Variants in SLC10A5 observed in about 807,000 individuals in gnomAD.
SLC10A5 encodes the protein sodium/bile acid cotransporter 5.
For missense variants in SLC10A5, 475 were observed against 500.7 expected (o/e 0.95, Z 0.49); for synonymous variants, 181 against 183.7 (o/e 0.99, Z 0.12).
chr8:81,694,980 G>C lies in SLC10A5; in HGVS notation c.-8C>G. 1 of 1,532,836 alleles carries C rather than the reference G, an allele frequency of 6.5e-7. No homozygotes were observed. The highest frequency in any genetic ancestry group is 8.7e-7 in the Non-Finnish European group (1 of 1,146,600). 95.0% of individuals were successfully genotyped at this position (1,532,836 alleles called of 1,614,324 possible). ...AAAAAGTTTTCTAATCATTTTGAAAGCTGAAATAAATCATATATGCAAAAT... is the reference window on the plus strand; with the variant it reads ...AAAAAGTTTTCTAATCATTTTGAAACCTGAAATAAATCATATATGCAAAAT... On this transcript the variant is annotated 5_prime_UTR_variant, in exon 1 of 1. Transcript: ENST00000518568.
At position 81,695,051 on chromosome 8, in the gene SLC10A5, G is replaced by A; in HGVS notation, c.-79C>T. 1 of 1,124,884 alleles carries A rather than the reference G, an allele frequency of 8.9e-7. No individual in the cohort carries two copies. Among genetic ancestry groups the A allele is most frequent in the South Asian group, 1.7e-5 (1 of 60,372 alleles). The allele number at this position is 1,124,884 out of a possible 1,614,324, so 69.7% of individuals were successfully genotyped here. On this transcript the variant is annotated 5_prime_UTR_variant, in exon 1 of 1. Transcript: ENST00000518568. ...ACATTCTTCATGCAGGTGTTCCAGT[G>A]ACAGTCTGAGGGTGAGTTAGATAAC...
In SLC10A5 at chr8:81,693,763, C is replaced by A. The variant is rs142341644; in HGVS notation, c.1210G>T (p.Ala404Ser). The change falls in exon 1 of 1, where the codon GCC becomes TCC. Residue 404 changes from alanine (A) to serine (S), a missense_variant. Ala to Ser is a moderately conservative substitution (Grantham distance 99, BLOSUM62 1). Transcript: ENST00000518568. Reference sequence around the variant, plus strand: ...AACATTTCACATCCAGAACACATGGCTACTGTAAAAGGAGCCACAGAAGCT... The same window carrying A: ...AACATTTCACATCCAGAACACATGGATACTGTAAAAGGAGCCACAGAAGCT... ...NLASVAPFTVAMCSGCEMLLI... is the reference protein window; with the variant it reads ...NLASVAPFTVSMCSGCEMLLI... The A allele has an allele frequency of 9.8e-5, 158 of 1,613,934 alleles. No individual in the cohort carries two copies. Among genetic ancestry groups the A allele is most frequent in the Non-Finnish European group, 1.3e-4 (149 of 1,180,008 alleles).
Position 81,694,580 on chromosome 8 carries a change from A to G in SLC10A5, c.393T>C (p.Ser131=). Residue 131 remains serine (S), a synonymous_variant, in exon 1 of 1, where the codon AGT becomes AGC. Coordinates refer to ENST00000518568, the MANE Select transcript of SLC10A5 (RefSeq NM_001010893.3). ...CAATATGCATTGGTGCCTGGAGTAGACTGTCTTTTTGTTTGAGCACTTTGA... is the reference window on the plus strand; with the variant it reads ...CAATATGCATTGGTGCCTGGAGTAGGCTGTCTTTTTGTTTGAGCACTTTGA... ...VKVKVLKQKD[S]LLQAPMHIDR... 1.9e-6 allele frequency: 3 copies of G among 1,614,150 alleles called. No individual in the cohort carries two copies. The highest frequency in any genetic ancestry group is 3.3e-4 in the Middle Eastern group (2 of 6,058).
In SLC10A5 at chr8:81,693,885, G is replaced by A. The variant is rs1404900240; in HGVS notation, c.1088C>T (p.Pro363Leu). The A allele has an allele frequency of 6.8e-6, 11 of 1,613,826 alleles. No homozygotes were observed. The highest frequency in any genetic ancestry group is 4.0e-5 in the African/African-American group (3 of 74,912). Reference sequence around the variant, plus strand: ...TTCAATAGCAACAGTTTTACAAACAGGAAGAGGCAGCGTACAAACTTTAGC... The same window carrying A: ...TTCAATAGCAACAGTTTTACAAACAAGAAGAGGCAGCGTACAAACTTTAGC... ...SFAKVCTLPLPVCKTVAIESG... is the reference protein window; with the variant it reads ...SFAKVCTLPLLVCKTVAIESG... Residue 363 changes from proline to leucine, a missense_variant, in exon 1 of 1, where the codon CCT (proline) becomes CTT (leucine). Pro to Leu is a moderately conservative substitution (Grantham distance 98). Transcript: ENST00000518568.
rs1205772954 is a variant in SLC10A5, at chr8:81,694,521, A to G, written c.452T>C (p.Ile151Thr). ...ACCAAATGCACACTTATTCAATAGT[A>G]TTAGTGGTAAAATAAGCATTAGGAT... ...RNILMLILPLILLNKCAFGCK... is the reference protein window; with the variant it reads ...RNILMLILPLTLLNKCAFGCK... Residue 151 changes from isoleucine (I) to threonine (T), a missense_variant, in exon 1 of 1, where the codon ATA becomes ACA. Transcript: ENST00000518568. The G allele has an allele frequency of 6.8e-6, 11 of 1,614,116 alleles. No individual in the cohort carries two copies. Among genetic ancestry groups the G allele is most frequent in the Admixed American group, 1.7e-5 (1 of 60,014 alleles).
In SLC10A5 at chr8:81,693,920, C is replaced by T. The variant is rs1807685100; in HGVS notation, c.1053G>A (p.Gly351=). 2.5e-6 allele frequency: 4 copies of T among 1,613,954 alleles called. No homozygotes were observed. In the South Asian group the frequency reaches 4.4e-5, roughly 18 times the overall value. The change falls in exon 1 of 1, where the codon GGG becomes GGA. Residue 351 remains glycine, a synonymous_variant. Transcript: ENST00000518568. ...LLVPALGLLF[G]YSFAKVCTLP... is the part of the protein sequence containing the mutation. ...GCGTACAAACTTTAGCAAAGGAGTA[C>T]CCAAACAGCAAACCCAAAGCAGGAA... is the stretch of plus-strand genomic sequence containing the variant.
Position 81,693,900 on chromosome 8 carries a change from C to T in SLC10A5, c.1073G>A (p.Cys358Tyr), listed in dbSNP as rs148791403. 53 of 1,613,898 alleles carry T rather than the reference C, an allele frequency of 3.3e-5. No homozygotes were observed. The highest frequency in any genetic ancestry group is 4.0e-5 in the Non-Finnish European group (47 of 1,180,004). ...LLFGYSFAKV[C>Y]TLPLPVCKTV... ...TTTACAAACAGGAAGAGGCAGCGTA[C>T]AAACTTTAGCAAAGGAGTACCCAAA... The change falls in exon 1 of 1, where the codon TGT becomes TAT. Residue 358 changes from cysteine to tyrosine, a missense_variant. Transcript: ENST00000518568.
Position 81,694,837 on chromosome 8 carries a change from C to G in SLC10A5, c.136G>C (p.Val46Leu). 1 of 1,613,998 alleles carries G rather than the reference C, an allele frequency of 6.2e-7. No homozygotes were observed. Among genetic ancestry groups the G allele is most frequent in the Non-Finnish European group, 8.5e-7 (1 of 1,179,996 alleles). ...FFTKTEETIL[V>L]SSSYENKRPN... ...CGTTTATTTTCGTAGCTTGAACTTA[C>G]AAGGATGGTTTCTTCAGTCTTTGTG... The change falls in exon 1 of 1, where the codon GTA (valine) becomes CTA (leucine). Residue 46 changes from valine (V) to leucine (L), a missense_variant. Val to Leu is a conservative substitution (Grantham distance 32, BLOSUM62 1). Transcript: ENST00000518568.
Position 81,693,854 on chromosome 8 carries a change from C to T in SLC10A5, c.1119G>A (p.Gly373=). ...PVCKTVAIES[G]MLNSFLALAV... is the part of the protein sequence containing the mutation. ...CAAGAGCTAAGAAACTATTTAACAT[C>T]CCACTTTCAATAGCAACAGTTTTAC... is the stretch of plus-strand genomic sequence containing the variant. The change falls in exon 1 of 1, where the codon GGG becomes GGA. Residue 373 remains glycine (G), a synonymous_variant. Coordinates refer to ENST00000518568, the MANE Select transcript of SLC10A5 (RefSeq NM_001010893.3). 1.9e-6 allele frequency: 3 copies of T among 1,613,734 alleles called. No homozygotes were observed. The highest frequency in any genetic ancestry group is 1.6e-4 in the Middle Eastern group (1 of 6,062).
In SLC10A5 at chr8:81,695,018, A is replaced by G; in HGVS notation, c.-46T>C. 1 of 1,399,404 alleles carries G rather than the reference A, an allele frequency of 7.1e-7. No individual in the cohort carries two copies. The allele number at this position is 1,399,404 out of a possible 1,614,324, so 86.7% of individuals were successfully genotyped here. A position where few individuals can be genotyped will look rare whatever the true frequency, so the allele number is the denominator to read the frequency against. On this transcript the variant is annotated 5_prime_UTR_variant, in exon 1 of 1. Coordinates refer to ENST00000518568, the MANE Select transcript of SLC10A5 (RefSeq NM_001010893.3). ...ATATATGCAAAATCGTTTTTAAAAA[A>G]TGAAAGAACATTCTTCATGCAGGTG...
chr8:81,694,663 G>A lies in SLC10A5; in HGVS notation c.310C>T (p.Leu104Phe), dbSNP rs150315173. 328 of 1,613,946 alleles carry A rather than the reference G, an allele frequency of 2.0e-4. 1 individual carries two copies. The East Asian group carries it at 7.0e-3, about 34-fold the overall frequency. Residue 104 changes from leucine to phenylalanine, a missense_variant, in exon 1 of 1, where the codon CTC becomes TTC. By Grantham distance (22) the Leu-to-Phe change is conservative. Coordinates refer to ENST00000518568, the MANE Select transcript of SLC10A5 (RefSeq NM_001010893.3). ...TCTTGCCTACCTTCAGAATCCCAGA[G>A]TTGAATAGTCACATTTGTTTCTCCT... ...EEGETNVTIQ[L>F]WDSEGRQERL...
At position 81,694,414 on chromosome 8, in the gene SLC10A5, G is replaced by GA. The variant is rs752430949; in HGVS notation, c.558dup (p.Leu187SerfsTer17). 16 of 1,613,838 alleles carry GA rather than the reference G, an allele frequency of 9.9e-6. No individual in the cohort carries two copies. Among genetic ancestry groups the GA allele is most frequent in the Middle Eastern group, 1.6e-4 (1 of 6,084 alleles). On this transcript the variant is annotated frameshift_variant, in exon 1 of 1. Transcript: ENST00000518568. LOFTEE classifies it low-confidence loss of function (END_TRUNC). ...AAAAGAAACCCGCAAAATGGCATCA[G>GA]AAAAAACTGTGTAACTGCCCCAAGA...
Position 81,693,914 on chromosome 8 carries a change from G to A in SLC10A5, c.1059C>T (p.Ser353=), listed in dbSNP as rs199692761. 10 of 1,613,884 alleles carry A rather than the reference G, an allele frequency of 6.2e-6. No homozygotes were observed. Among genetic ancestry groups the A allele is most frequent in the East Asian group, 2.2e-5 (1 of 44,874 alleles). ...VPALGLLFGY[S]FAKVCTLPLP... ...GAGGCAGCGTACAAACTTTAGCAAA[G>A]GAGTACCCAAACAGCAAACCCAAAG... The change falls in exon 1 of 1, where the codon TCC becomes TCT. Residue 353 remains serine, a synonymous_variant. Transcript: ENST00000518568.
In SLC10A5 at chr8:81,695,018, A is replaced by C; in HGVS notation, c.-46T>G. The C allele has an allele frequency of 7.1e-7, 1 of 1,399,404 alleles. No homozygotes were observed. The highest frequency in any genetic ancestry group is 9.6e-7 in the Non-Finnish European group (1 of 1,045,430). 86.7% of individuals were successfully genotyped at this position (1,399,404 alleles called of 1,614,324 possible). ...ATATATGCAAAATCGTTTTTAAAAAATGAAAGAACATTCTTCATGCAGGTG... is the reference window on the plus strand; with the variant it reads ...ATATATGCAAAATCGTTTTTAAAAACTGAAAGAACATTCTTCATGCAGGTG... On this transcript the variant is annotated 5_prime_UTR_variant, in exon 1 of 1. Coordinates refer to ENST00000518568, the MANE Select transcript of SLC10A5 (RefSeq NM_001010893.3).
In SLC10A5 at chr8:81,694,642, G is replaced by T; in HGVS notation, c.331C>A (p.Gln111Lys). ...TTGATTTCTTCAATGAGTCTTTCTT[G>T]CCTACCTTCAGAATCCCAGAGTTGA... ...TIQLWDSEGR[Q>K]ERLIEEIKNV... is the part of the protein sequence containing the mutation. Residue 111 changes from glutamine to lysine, a missense_variant, in exon 1 of 1, where the codon CAA becomes AAA. Transcript: ENST00000518568. 6.2e-7 allele frequency: 1 copy of T among 1,613,826 alleles called. No individual in the cohort carries two copies. The highest frequency in any genetic ancestry group is 1.1e-5 in the South Asian group (1 of 91,060).
Position 81,694,160 on chromosome 8 carries a change from A to C in SLC10A5, c.813T>G (p.Val271=), listed in dbSNP as rs760585554. Residue 271 remains valine (V), a synonymous_variant, in exon 1 of 1, where the codon GTT becomes GTG. Coordinates refer to ENST00000518568, the MANE Select transcript of SLC10A5 (RefSeq NM_001010893.3). ...LGLSGTFHIP[V]SKIVSTLLFI... ...AAAGGAGTGTTGACACAATTTTAGA[A>C]ACAGGAATATGGAATGTACCTGACA... The C allele has an allele frequency of 6.2e-7, 1 of 1,614,152 alleles. No homozygotes were observed. Among genetic ancestry groups the C allele is most frequent in the South Asian group, 1.1e-5 (1 of 91,070 alleles).
In SLC10A5 at chr8:81,693,645, T is replaced by C. The variant is rs200974654; in HGVS notation, c.*11A>G. On this transcript the variant is annotated 3_prime_UTR_variant, in exon 1 of 1. Transcript: ENST00000518568. Reference sequence around the variant, plus strand: ...CCTACCCAGAGTAGGAATTCAGTAATGCTTTAATTGTTAGATTAGGAAATT... The same window carrying C: ...CCTACCCAGAGTAGGAATTCAGTAACGCTTTAATTGTTAGATTAGGAAATT... The C allele has an allele frequency of 1.9e-6, 3 of 1,561,174 alleles. No individual in the cohort carries two copies. Among genetic ancestry groups the C allele is most frequent in the African/African-American group, 1.4e-5 (1 of 72,696 alleles).
Position 81,694,644 on chromosome 8 carries a change from C to T in SLC10A5, c.329G>A (p.Arg110Lys), listed in dbSNP as rs1438867440. 1 of 1,613,780 alleles carries T rather than the reference C, an allele frequency of 6.2e-7. No individual in the cohort carries two copies. The highest frequency in any genetic ancestry group is 1.3e-5 in the African/African-American group (1 of 74,894). The change falls in exon 1 of 1, where the codon AGG becomes AAG. Residue 110 changes from arginine (R) to lysine (K), a missense_variant. Transcript: ENST00000518568. ...GATTTCTTCAATGAGTCTTTCTTGC[C>T]TACCTTCAGAATCCCAGAGTTGAAT... is the stretch of plus-strand genomic sequence containing the variant. ...VTIQLWDSEG[R>K]QERLIEEIKN...
rs758859217 is a variant in SLC10A5, at chr8:81,695,021, A to G, written c.-49T>C. ...TATGCAAAATCGTTTTTAAAAAATG[A>G]AAGAACATTCTTCATGCAGGTGTTC... On this transcript the variant is annotated 5_prime_UTR_variant, in exon 1 of 1. Coordinates refer to ENST00000518568, the MANE Select transcript of SLC10A5 (RefSeq NM_001010893.3). 117 of 1,398,394 alleles carry G rather than the reference A, an allele frequency of 8.4e-5. 1 individual carries two copies. The highest frequency in any genetic ancestry group is 7.7e-5 in the Non-Finnish European group (80 of 1,045,402). 86.6% of individuals were successfully genotyped at this position (1,398,394 alleles called of 1,614,324 possible).
Sources: gnomAD v4.1 joint callset for allele counts on GRCh38, gnomAD v4.1.1 for gene constraint, MANE v1.5 for transcripts, NCBI Gene and HGNC (gene_info 2026-07-23, HGNC 2026-07-21) for gene names.